FIBCD1: variants seen among roughly 807,000 people sequenced by gnomAD.
FIBCD1 encodes fibrinogen C domain containing 1, also known as fibrinogen C domain-containing protein 1.
A neutral mutation model predicts 45.1 loss-of-function variants in FIBCD1; 47 were observed. That is an observed-to-expected ratio of 1.04 (90% CI 0.82 to 1.33). The LOEUF (loss-of-function observed/expected upper bound fraction) is 1.33, where lower values mean the gene tolerates loss of function less well. Ranked by LOEUF, FIBCD1 falls within the 40% of genes most tolerant of loss-of-function variation. FIBCD1 has a pLI of 0.00. For synonymous variants in FIBCD1, 313 were observed against 308.1 expected (o/e 1.02, Z -0.17); for missense variants, 653 against 682.2 (o/e 0.96, Z 0.48).
intron 4 of FIBCD1, among the ~76,000 whole-genome samples, chr9:130,914,324 G>A (rs1001432569): frequency 6.6e-6 from 1 of 152,218 alleles, no homozygotes; most frequent in African/African-American, 2.4e-5. Context: ...CAGTGGATAC[G>A]AGGTCACGGT....
intron 4 of FIBCD1, among the ~76,000 whole-genome samples, chr9:130,920,145 C>T (rs1402308615): frequency 6.6e-6 from 1 of 150,658 alleles, no homozygotes; most frequent in Non-Finnish European, 1.5e-5. Context: ...GGACGTGACC[C>T]TGGCATCTCA....
intron 2 of FIBCD1, among the ~76,000 whole-genome samples, chr9:130,925,006 C>G (rs113388312): frequency 3.9e-5 from 6 of 152,306 alleles, no homozygotes; most frequent in Admixed American, 2.0e-4. Context: ...CCGAGCAAGG[C>G]TGCTGAGGTA....
rs917432954 is a variant in FIBCD1, at chr9:130,923,943, C to G, written c.713-63G>C. ...AGCACGTTCCTGCCCAGCCCCCTGG[C>G]CAAACTGTCTGTCCATCGATAATGC... On this transcript the variant is annotated intron_variant, in intron 3 of 6. Coordinates refer to ENST00000372338, the MANE Select transcript of FIBCD1 (RefSeq NM_032843.5). 2.0e-5 allele frequency: 32 copies of G among 1,606,822 alleles called. No homozygotes were observed. In the African/African-American group the frequency reaches 3.6e-4, roughly 18 times the overall value.
At chr9:130,939,470 C>A (rs1024137146), upstream of FIBCD1, among the ~76,000 whole-genome samples, 1 of 152,110 alleles carries the variant, frequency 6.6e-6, no homozygotes, top group Non-Finnish European at 1.5e-5. Context: ...CGCCGGACCC[C>A]GACGCGTGAG....
At chr9:130,917,289 GAC>G (rs1359771029) in intron 4 of FIBCD1, among the ~76,000 whole-genome samples, 4 of 143,638 alleles carry the variant, frequency 2.8e-5, no homozygotes, top group African/African-American at 1.0e-4. Context: ...CGAGTGGGAA[GAC>G]AGACAGAGAG....
chr9:130,922,942 G>A lies in FIBCD1; in HGVS notation c.849+802C>T, dbSNP rs1832286931. ...TGAGAAATGCCCCCTTCTCCAGGAA[G>A]CTTTACCCTCCCCTCTGCTACAGTG... On this transcript the variant is annotated intron_variant, in intron 4 of 6. Coordinates refer to ENST00000372338, the MANE Select transcript of FIBCD1 (RefSeq NM_032843.5). This position sits in a 1 kb window ranked among gnomAD's most constrained non-coding sequence, Gnocchi z 4.5. Among the ~76,000 whole-genome samples, 1 of 152,138 alleles carries A rather than the reference G, an allele frequency of 6.6e-6. No homozygotes were observed. The highest frequency in any genetic ancestry group is 2.4e-5 in the African/African-American group (1 of 41,434).
intron 5 of FIBCD1, among the ~76,000 whole-genome samples, chr9:130,910,163 G>A (rs943833939): frequency 1.5e-4 from 23 of 152,328 alleles, no homozygotes; most frequent in African/African-American, 5.3e-4. Context: ...CGGCGCTTGC[G>A]GGCCAGCTGG....
chr9:130,909,560 G>C (rs1357377200), intron 5 of FIBCD1, among the ~76,000 whole-genome samples: 1 of 152,078 alleles, frequency 6.6e-6, no homozygotes, highest in Non-Finnish European at 1.5e-5. Context: ...CTTCCACACA[G>C]GGAATTTTGT....
chr9:130,928,552 G>A (rs1018865245), intron 2 of FIBCD1, among the ~76,000 whole-genome samples: 2 of 152,246 alleles, frequency 1.3e-5, no homozygotes, highest in African/African-American at 4.8e-5. Flanking sequence ...GGGTGATGAG[G>A]ACTGTAATTT....
chr9:130,919,639 G>A (rs1832224676), intron 4 of FIBCD1, among the ~76,000 whole-genome samples: 1 of 152,180 alleles, frequency 6.6e-6, no homozygotes, highest in African/African-American at 2.4e-5. Flanking sequence ...GGATGTGGGG[G>A]CTCCTTTCCA....
chr9:130,910,693 C>G (rs1185485431), intron 5 of FIBCD1, among the ~76,000 whole-genome samples: 1 of 152,112 alleles, frequency 6.6e-6, no homozygotes, highest in East Asian at 1.9e-4. Flanking sequence ...CCAATCAGCA[C>G]CCTGTGTCTA....
At chr9:130,920,848 C>T (rs539520789) in intron 4 of FIBCD1, among the ~76,000 whole-genome samples, 1 of 152,340 alleles carries the variant, frequency 6.6e-6, no homozygotes, top group East Asian at 1.9e-4. Context: ...CTTCCTTGTC[C>T]TTCTGTCCAC....
chr9:130,926,711 A>C lies in FIBCD1; in HGVS notation c.553-2315T>G, dbSNP rs559753878. The stretch of plus-strand genomic sequence containing the variant: ...GTGGCGGGCGCCTGTAGTCCCAGCT[A>C]CTCAGGAGGCTGAGGCAGGAGAATC... On this transcript the variant is annotated intron_variant, in intron 2 of 6. Transcript: ENST00000372338. This position sits in a 1 kb window ranked among gnomAD's most constrained non-coding sequence, Gnocchi z 4.1. Among the ~76,000 whole-genome samples, 221 of 152,192 alleles carry C rather than the reference A, an allele frequency of 1.5e-3. No individual in the cohort carries two copies. The highest frequency in any genetic ancestry group is 3.5e-3 in the South Asian group (17 of 4,820).
Position 130,904,300 on chromosome 9 carries a change from C to T in FIBCD1, c.1150G>A (p.Gly384Ser), listed in dbSNP as rs201510681. The change falls in exon 7 of 7, where the codon GGC (glycine) becomes AGC (serine). Residue 384 changes from glycine (G) to serine (S), a missense_variant. Gly to Ser is a moderately conservative substitution (Grantham distance 56). Transcript: ENST00000372338. ...CGGTCCTTGGTGGTGAACCTCATGC[C>T]GCTGTGCTTCAGGAGGGAGTCGCCT... is the stretch of plus-strand genomic sequence containing the variant. ...TAGDSLLKHS[G>S]MRFTTKDRDS... 1.6e-5 allele frequency: 26 copies of T among 1,609,760 alleles called. No individual in the cohort carries two copies. The highest frequency in any genetic ancestry group is 2.7e-5 in the African/African-American group (2 of 74,980).
chr9:130,927,466 G>A (rs1832379749), intron 2 of FIBCD1, among the ~76,000 whole-genome samples: 1 of 152,176 alleles, frequency 6.6e-6, no homozygotes, highest in South Asian at 2.1e-4. Context: ...CGGGTGACAA[G>A]ACCCAGCCCA....
At chr9:130,934,454 C>T (rs760171604) in intron 1 of FIBCD1, among the ~76,000 whole-genome samples, 24 of 152,294 alleles carry the variant, frequency 1.6e-4, no homozygotes, top group South Asian at 1.4e-3. Flanking sequence ...CAGGGAGGGG[C>T]GCAGGAGGGG....
At chr9:130,937,677 G>A (rs528696818) in intron 1 of FIBCD1, among the ~76,000 whole-genome samples, 4 of 152,268 alleles carry the variant, frequency 2.6e-5, no homozygotes, top group South Asian at 2.1e-4. Flanking sequence ...GTGAGCGAGC[G>A]GCCTCCTCGT....
At chr9:130,915,015 C>T (rs771587332) in intron 4 of FIBCD1, among the ~76,000 whole-genome samples, 4 of 152,262 alleles carry the variant, frequency 2.6e-5, no homozygotes, top group Non-Finnish European at 5.9e-5. Flanking sequence ...CGGGGGCCGA[C>T]TACATCTTGT....
At position 130,905,262 on chromosome 9, in the gene FIBCD1, G is replaced by A; in HGVS notation, c.1098C>T (p.Leu366=). 1 of 1,613,874 alleles carries A rather than the reference G, an allele frequency of 6.2e-7. No homozygotes were observed. Among genetic ancestry groups the A allele is most frequent in the Non-Finnish European group, 8.5e-7 (1 of 1,179,986 alleles). The stretch of plus-strand genomic sequence containing the variant: ...CAGTGCCGGAATAGTCAGCCACGGT[G>A]AGCGGGTACCCGTCTTCCTCAGGGT... ...SVDPEEDGYP[L]TVADYSGTAG... The change falls in exon 6 of 7, where the codon CTC becomes CTT. Residue 366 remains leucine, a synonymous_variant. Coordinates refer to ENST00000372338, the MANE Select transcript of FIBCD1 (RefSeq NM_032843.5).
Sources: allele counts gnomAD v4.1 joint callset (sites outside exome capture counted in the v4.1 genomes callset), GRCh38; gene constraint gnomAD v4.1.1; non-coding constraint Gnocchi (gnomAD v3.1); transcripts MANE v1.5; gene names NCBI Gene and HGNC (gene_info 2026-07-23, HGNC 2026-07-21).